Variants in STARD8 observed in about 807,000 individuals in gnomAD.
The protein encoded by STARD8 is StAR related lipid transfer domain containing 8.
STARD8 carries 25 observed loss-of-function variants against 69.4 expected under a neutral mutation model. That is an observed-to-expected ratio of 0.36 (90% confidence interval 0.26 to 0.50). STARD8 has a LOEUF of 0.50. Among genes scored for constraint, STARD8 ranks in the 20% least tolerant of loss-of-function variants. The probability of loss-of-function intolerance (pLI) is 0.96; values close to 1 mark genes in which losing one functional copy is unlikely to be tolerated. For synonymous variants in STARD8, 389 were observed against 374.6 expected, an observed-to-expected ratio of 1.04 and a Z score of -0.45; for missense variants, 921 against 932.5, an observed-to-expected ratio of 0.99 and a Z score of 0.16.
intron 2 of STARD8, among the ~76,000 whole-genome samples, chrX:68,689,220 T>C (rs1156993413): frequency 9.5e-6 from 1 of 105,153 alleles, no homozygotes; most frequent in African/African-American, 3.5e-5. Flanking sequence ...TCTGTGCCAC[T>C]ACGGTCACCA....
chrX:68,668,288 CT>C (rs2079705423), intron 2 of STARD8, among the ~76,000 whole-genome samples: 1 of 86,404 alleles, frequency 1.2e-5, no homozygotes, highest in African/African-American at 4.9e-5. Flanking sequence ...TTCTTTCTTT[CT>C]TTCTTTCTTT....
intron 1 of STARD8, among the ~76,000 whole-genome samples, chrX:68,662,331 C>T (rs1452436861): frequency 1.8e-5 from 2 of 111,151 alleles, no homozygotes; most frequent in African/African-American, 6.6e-5. Flanking sequence ...TGCCTAGGCC[C>T]CCCATTCCCA....
At chrX:68,698,398 A>G (rs924351227) in intron 2 of STARD8, among the ~76,000 whole-genome samples, 1 of 111,569 alleles carries the variant, frequency 9.0e-6, no homozygotes, top group African/African-American at 3.3e-5. Context: ...GTATGGGGTG[A>G]GGCTGTGTGA....
Position 68,717,808 on chromosome X carries a change from G to A in STARD8, c.894G>A (p.Leu298=). 2 of 1,211,456 alleles carry A rather than the reference G, an allele frequency of 1.7e-6. No homozygotes were observed. The highest frequency in any genetic ancestry group is 2.2e-6 in the Non-Finnish European group (2 of 895,320). ...HPQWTHRGDC[L]VHVPGDHKPG... The stretch of plus-strand genomic sequence containing the variant: ...AGTGGACACACCGGGGTGATTGCCT[G>A]GTGCACGTTCCTGGGGACCACAAAC... The change falls in exon 6 of 15, where the codon CTG becomes CTA. Residue 298 remains leucine (L), a synonymous_variant. Coordinates refer to ENST00000374599, the MANE Select transcript of STARD8 (RefSeq NM_001142503.3).
intron 2 of STARD8, among the ~76,000 whole-genome samples, chrX:68,674,890 C>T (rs1450783120): frequency 2.8e-5 from 3 of 108,481 alleles, no homozygotes; most frequent in Non-Finnish European, 5.7e-5. Flanking sequence ...TTAGTTGATT[C>T]TCCCACCTTA....
At chrX:68,649,723 T>C (rs1443949830) in intron 1 of STARD8, among the ~76,000 whole-genome samples, 1 of 111,245 alleles carries the variant, frequency 9.0e-6, no homozygotes, top group Admixed American at 9.7e-5. Flanking sequence ...ACTTTCCTCA[T>C]CCATGAAATC....
At chrX:68,722,332 C>T in intron 11 of STARD8, 90 bp from the exon 12 acceptor site, 1 of 914,074 alleles carries the variant, frequency 1.1e-6, no homozygotes, top group Admixed American at 3.0e-5. Flanking sequence ...GGTAGCTGCA[C>T]CTCTCCACTG....
intron 2 of STARD8, among the ~76,000 whole-genome samples, chrX:68,684,434 C>T (rs1017610770): frequency 1.8e-5 from 2 of 112,984 alleles, no homozygotes; most frequent in African/African-American, 3.2e-5. Flanking sequence ...TGACTGCTGC[C>T]GCCCTTCCTT....
intron 2 of STARD8, among the ~76,000 whole-genome samples, chrX:68,679,631 C>T (rs906823837): frequency 8.9e-6 from 1 of 112,084 alleles, no homozygotes; most frequent in African/African-American, 3.2e-5. Flanking sequence ...ATGTGAGCAG[C>T]CCCACTGACT....
chrX:68,679,919 G>C (rs1199307432), intron 2 of STARD8, among the ~76,000 whole-genome samples: 2 of 111,511 alleles, frequency 1.8e-5, no homozygotes, highest in South Asian at 3.8e-4. Flanking sequence ...TTGTTGGGGT[G>C]GGGGAGGTAA....
Position 68,722,789 on chromosome X carries a change from CAGAG to C in STARD8, c.2799+146_2799+149del, listed in dbSNP as rs1034544839. ...CCTCGGCCTGGTCCTTGGAGAATGT[CAGAG>C]AGTCAAGAAAGTACCTTAAGGAATC... On this transcript the variant is annotated intron_variant, in intron 12 of 14. Transcript: ENST00000374599. 8 of 558,360 alleles carry C rather than the reference CAGAG, an allele frequency of 1.4e-5. No homozygotes were observed. The Admixed American group carries it at 2.6e-4, about 18-fold the overall frequency. The allele number at this position is 558,360 out of a possible 1,213,427, so 46.0% of individuals were successfully genotyped here. A position where few individuals can be genotyped will look rare whatever the true frequency, so the allele number is the denominator to read the frequency against.
intron 2 of STARD8, among the ~76,000 whole-genome samples, chrX:68,671,627 AC>A (rs1414467267): frequency 2.7e-5 from 3 of 112,673 alleles, no homozygotes; most frequent in Non-Finnish European, 5.6e-5. Context: ...ACTAGCTATT[AC>A]AGATCAACAT....
intron 2 of STARD8, among the ~76,000 whole-genome samples, chrX:68,681,571 A>T (rs1312234994): frequency 8.9e-6 from 1 of 112,766 alleles, no homozygotes; most frequent in Non-Finnish European, 1.9e-5. Flanking sequence ...CAAAAGCAAC[A>T]AACCCCAACT....
intron 1 of STARD8, among the ~76,000 whole-genome samples, chrX:68,661,439 G>A (rs1330667883): frequency 9.0e-6 from 1 of 111,659 alleles, no homozygotes; most frequent in Admixed American, 9.5e-5. Flanking sequence ...ATTTTTGCCT[G>A]GCAACTGTAT....
At chrX:68,685,303 CA>C (rs900453360) in intron 2 of STARD8, among the ~76,000 whole-genome samples, 14 of 111,746 alleles carry the variant, frequency 1.3e-4, no homozygotes, top group African/African-American at 4.6e-4. Flanking sequence ...CAGGTTATGC[CA>C]CAGTTAGAGC....
chrX:68,720,546 G>C (rs1316536537), intron 8 of STARD8, 123 bp downstream of exon 8: 10 of 851,274 alleles, frequency 1.2e-5, no homozygotes, highest in Admixed American at 4.3e-5. Flanking sequence ...ACTTGGGCTG[G>C]TCCACCAGAG....
chrX:68,718,164 A>T lies in STARD8; in HGVS notation c.1250A>T (p.Asp417Val). 1 of 1,211,455 alleles carries T rather than the reference A, an allele frequency of 8.3e-7. No homozygotes were observed. The highest frequency in any genetic ancestry group is 1.1e-6 in the Non-Finnish European group (1 of 895,392). The change falls in exon 6 of 15, where the codon GAT becomes GTT. Residue 417 changes from aspartate (D) to valine (V), a missense_variant. Coordinates refer to ENST00000374599, the MANE Select transcript of STARD8 (RefSeq NM_001142503.3). Reference sequence around the variant, plus strand: ...ATGTACCCAGACCTGGGGCCTGGAGATGAGGAAGAGGAGGAGGCCACTTCA... The same window carrying T: ...ATGTACCCAGACCTGGGGCCTGGAGTTGAGGAAGAGGAGGAGGCCACTTCA... ...RAMYPDLGPG[D>V]EEEEEATSSV... is the part of the protein sequence containing the mutation.
chrX:68,664,191 C>T (rs2079668370), intron 1 of STARD8, among the ~76,000 whole-genome samples: 1 of 111,431 alleles, frequency 9.0e-6, no homozygotes, highest in Admixed American at 9.5e-5. Context: ...ACCCTTCTAC[C>T]TCTAAGAGGT....
intron 2 of STARD8, among the ~76,000 whole-genome samples, chrX:68,671,570 G>A (rs1314413517): frequency 1.8e-5 from 2 of 112,420 alleles, no homozygotes; most frequent in Admixed American, 1.9e-4. Flanking sequence ...TCAGACTGGT[G>A]ACTTCTTCCT....
Sources: gnomAD v4.1 joint callset for allele counts (sites outside exome capture counted in the v4.1 genomes callset) on GRCh38, gnomAD v4.1.1 for gene constraint, MANE v1.5 for transcripts, NCBI Gene and HGNC (gene_info 2026-07-23, HGNC 2026-07-21) for gene names.